Variants in PAPPA observed in about 807,000 individuals in gnomAD.
PAPPA encodes the protein pappalysin 1.
A neutral mutation model predicts 164.0 loss-of-function variants in PAPPA; 60 were observed. The ratio of observed to expected loss-of-function variants is 0.37; its 90% confidence interval spans 0.30 to 0.45. The LOEUF is 0.45. PAPPA is among the 20% of genes least tolerant of loss of function. The pLI, the probability that PAPPA is intolerant of heterozygous loss-of-function variation, is 1.00. For synonymous variants in PAPPA, 875 were observed against 814.1 expected (o/e 1.07, Z -1.27); for missense variants, 1,782 against 2,087.3 (o/e 0.85, Z 2.85).
At chr9:116,195,383 G>A (rs1308838542) in intron 2 of PAPPA, among the ~76,000 whole-genome samples, 1 of 152,114 alleles carries the variant, frequency 6.6e-6, no homozygotes, top group Non-Finnish European at 1.5e-5. Context: ...TAAAGATGAG[G>A]TTAATAAGGA....
At chr9:116,210,264 A>C (rs1844290428) in intron 3 of PAPPA, among the ~76,000 whole-genome samples, 1 of 152,174 alleles carries the variant, frequency 6.6e-6, no homozygotes, top group Admixed American at 6.5e-5. Context: ...AAAATTGCTC[A>C]GAAATTCAAT....
rs767103495 is a variant in PAPPA at position 116,331,353 on chromosome 9, T to A, written c.3257T>A (p.Leu1086His). The A allele has an allele frequency of 6.3e-7, 1 of 1,595,628 alleles. No homozygotes were observed. The highest frequency in any genetic ancestry group is 8.6e-7 in the Non-Finnish European group (1 of 1,163,170). ...CAGCTGGCTCAGACCACTTTTTGGC[T>A]CCGGGTAAGCTGAAGCTCTGAGAGC... ...YSQLAQTTFW[L>H]RAYFSQPMVA... is the part of the protein sequence containing the mutation. Residue 1086 changes from leucine (L) to histidine (H), a missense_variant, in exon 11 of 22, where the codon CTC (leucine) becomes CAC (histidine). By Grantham distance (99) the Leu-to-His change is moderately conservative (BLOSUM62 -3). This residue lies in a region of PAPPA where 1,324 missense variants were observed against 1,656.9 expected (regional missense o/e 0.80). Coordinates refer to ENST00000328252, the MANE Select transcript of PAPPA (RefSeq NM_002581.5).
intron 17 of PAPPA, among the ~76,000 whole-genome samples, chr9:116,359,175 T>A (rs184577910): frequency 3.0e-4 from 45 of 152,316 alleles, no homozygotes; most frequent in Non-Finnish European, 5.7e-4. Flanking sequence ...ATTTGAAAAC[T>A]CACTTTTTCA....
At chr9:116,214,121 G>A (rs548566173) in intron 4 of PAPPA, among the ~76,000 whole-genome samples, 5 of 152,338 alleles carry the variant, frequency 3.3e-5, no homozygotes, top group East Asian at 1.9e-4. Flanking sequence ...GTGTTGGCCA[G>A]TATGGTAGCC....
intron 7 of PAPPA, among the ~76,000 whole-genome samples, chr9:116,249,524 C>T (rs1844835196): frequency 6.6e-6 from 1 of 152,006 alleles, no homozygotes; most frequent in Non-Finnish European, 1.5e-5. Flanking sequence ...GGTTTTAGGA[C>T]ATCTTTTTGG....
chr9:116,206,301 G>A (rs1008191010), intron 2 of PAPPA, among the ~76,000 whole-genome samples: 4 of 152,122 alleles, frequency 2.6e-5, no homozygotes, highest in African/African-American at 9.7e-5. Flanking sequence ...GTTTGGTTTC[G>A]TGAGCTTGGG....
intron 20 of PAPPA, among the ~76,000 whole-genome samples, chr9:116,378,352 C>CA (rs983491487): frequency 1.3e-5 from 2 of 152,180 alleles, no homozygotes; most frequent in African/African-American, 4.8e-5. Context: ...CCACGGAACT[C>CA]AAAGACATTT....
intron 10 of PAPPA, among the ~76,000 whole-genome samples, chr9:116,326,052 GTC>G (rs145568563): frequency 1.1e-4 from 17 of 150,520 alleles, no homozygotes; most frequent in Admixed American, 1.3e-4. Context: ...GGATCCAGGA[GTC>G]TCTCTCTCTC....
At chr9:116,242,033 A>G (rs186455030) in intron 7 of PAPPA, among the ~76,000 whole-genome samples, 20 of 152,306 alleles carry the variant, frequency 1.3e-4, no homozygotes, top group East Asian at 1.2e-3. Flanking sequence ...CATTTAACAA[A>G]TATTTATTAA....
chr9:116,302,921 G>T lies in PAPPA; in HGVS notation c.3118G>T (p.Val1040Phe). The T allele has an allele frequency of 1.2e-6, 2 of 1,613,910 alleles. No homozygotes were observed. Among genetic ancestry groups the T allele is most frequent in the Non-Finnish European group, 1.7e-6 (2 of 1,179,960 alleles). Residue 1040 changes from valine (V) to phenylalanine (F), a missense_variant, in exon 10 of 22, where the codon GTC becomes TTC. Physicochemically the swap from Val to Phe is conservative, Grantham distance 50. Transcript: ENST00000328252. ...SHQDQQCPGWVIIGQPAASQV... is the reference protein window; with the variant it reads ...SHQDQQCPGWFIIGQPAASQV... ...TCAAGACCAGCAATGCCCAGGCTGG[G>T]TCATCATCGGACAGCCAGCAGCATC...
chr9:116,266,548 G>C (rs1419403827), intron 8 of PAPPA, among the ~76,000 whole-genome samples: 1 of 152,110 alleles, frequency 6.6e-6, no homozygotes, highest in Non-Finnish European at 1.5e-5. Flanking sequence ...AGTGAATATT[G>C]AATGTGAATA....
chr9:116,202,311 G>A (rs969708051), intron 2 of PAPPA, among the ~76,000 whole-genome samples: 17 of 152,116 alleles, frequency 1.1e-4, no homozygotes, highest in African/African-American at 4.1e-4. Context: ...TTACAGAGTT[G>A]TGCCATCTCA....
chr9:116,166,689 A>G (rs1843723364), intron 1 of PAPPA, among the ~76,000 whole-genome samples: 1 of 152,218 alleles, frequency 6.6e-6, no homozygotes, highest in Admixed American at 6.5e-5. Context: ...GCTGAATGCT[A>G]CACTTTGAAC....
intron 7 of PAPPA, among the ~76,000 whole-genome samples, chr9:116,258,396 C>T (rs1844957929): frequency 6.6e-6 from 1 of 152,074 alleles, no homozygotes; most frequent in African/African-American, 2.4e-5. Context: ...ATGGCTCATG[C>T]CTGTAATCCC....
At chr9:116,195,957 G>T (rs911043388) in intron 2 of PAPPA, among the ~76,000 whole-genome samples, 2 of 152,116 alleles carry the variant, frequency 1.3e-5, no homozygotes, top group Non-Finnish European at 2.9e-5. Flanking sequence ...CAAGAGATAA[G>T]CAGCATGCCA....
chr9:116,362,398 C>T (rs148553056), intron 17 of PAPPA, among the ~76,000 whole-genome samples, 194 bp from the exon 18 acceptor site: 151 of 152,276 alleles, frequency 9.9e-4, no homozygotes, highest in Middle Eastern at 3.4e-3. Context: ...CCTCAGTTTC[C>T]CCATATGTAA....
At chr9:116,207,692 G>C (rs1241493067) in intron 3 of PAPPA, 91 bp downstream of exon 3, 10 of 984,500 alleles carry the variant, frequency 1.0e-5, no homozygotes, top group African/African-American at 1.7e-5. Context: ...CATGATGGTG[G>C]TGGTGGTAGT....
Position 116,154,282 on chromosome 9 carries a change from C to T in PAPPA, c.110C>T (p.Pro37Leu). 1.0e-6 allele frequency: 1 copy of T among 996,556 alleles called. No homozygotes were observed. Among genetic ancestry groups the T allele is most frequent in the Non-Finnish European group, 1.2e-6 (1 of 835,802 alleles). The allele number at this position is 996,556 out of a possible 1,614,324, so 61.7% of individuals were successfully genotyped here. A position where few individuals can be genotyped will look rare whatever the true frequency, so the allele number is the denominator to read the frequency against. ...RARRDPRAGR[P>L]PRPAAGPATC... ...CGGAGAGACCCGCGGGCCGGCCGAC[C>T]CCCGCGCCCCGCCGCCGGCCCGGCC... The change falls in exon 1 of 22, where the codon CCC becomes CTC. Residue 37 changes from proline (P) to leucine (L), a missense_variant. Pro to Leu is a moderately conservative substitution (Grantham distance 98, BLOSUM62 -3). This residue lies in a region of PAPPA where 458 missense variants were observed against 430.3 expected (regional missense o/e 1.06). Transcript: ENST00000328252. This position sits in a 1 kb window ranked among gnomAD's most constrained non-coding sequence, Gnocchi z 5.2.
At chr9:116,394,599 T>C (rs543181760) in intron 21 of PAPPA, among the ~76,000 whole-genome samples, 1 of 152,340 alleles carries the variant, frequency 6.6e-6, no homozygotes, top group African/African-American at 2.4e-5. Context: ...AGTTCTAATA[T>C]TCTGTGCTTC....
Sources: gnomAD v4.1 joint callset for allele counts (sites outside exome capture counted in the v4.1 genomes callset) on GRCh38, gnomAD v4.1.1 for gene constraint, gnomAD v4.1.1 regional missense constraint, Gnocchi (gnomAD v3.1) non-coding constraint, MANE v1.5 for transcripts, NCBI Gene and HGNC (gene_info 2026-07-23, HGNC 2026-07-21) for gene names.